KIAA1217: variants seen among roughly 807,000 people sequenced by gnomAD.
KIAA1217 encodes the protein sickle tail protein homolog.
KIAA1217 carries 88 observed loss-of-function variants against 163.9 expected under a neutral mutation model. That is an observed-to-expected ratio of 0.54 (90% CI 0.45 to 0.64). The LOEUF is 0.64. Ranked by LOEUF, KIAA1217 falls within the 30% of genes least tolerant of loss-of-function variation. The probability of loss-of-function intolerance (pLI) is 0.00; values close to 1 mark genes in which losing one functional copy is unlikely to be tolerated. For missense variants in KIAA1217, 2,372 were observed against 2,475.0 expected (o/e 0.96, Z 0.88); for synonymous variants, 903 against 923.1 (o/e 0.98, Z 0.39).
At chr10:24,432,516 C>A (rs185374500) in intron 3 of KIAA1217, among the ~76,000 whole-genome samples, 1 of 152,110 alleles carries the variant, frequency 6.6e-6, no homozygotes, top group Non-Finnish European at 1.5e-5. Context: ...AGTGCAGTGG[C>A]GCAATCATAG....
chr10:24,026,742 A>ATTTTTTTTTTTT, intron 2 of KIAA1217, among the ~76,000 whole-genome samples: 6 of 70,080 alleles, frequency 8.6e-5, no homozygotes, highest in Middle Eastern at 0.013. Context: ...TATTTCATTG[A>ATTTTTTTTTTTT]TTTTTTTTTT....
intron 2 of KIAA1217, among the ~76,000 whole-genome samples, chr10:24,262,792 A>G (rs1267601928): frequency 6.6e-6 from 1 of 151,968 alleles, no homozygotes; most frequent in African/African-American, 2.4e-5. Context: ...TAAATATACA[A>G]AAAAATTAGC....
At chr10:23,935,484 G>T (rs1427282236) in intron 1 of KIAA1217, among the ~76,000 whole-genome samples, 2 of 152,150 alleles carry the variant, frequency 1.3e-5, no homozygotes, top group South Asian at 2.1e-4. Flanking sequence ...AATTTAATAT[G>T]CAGTGTAACC....
rs1837225806 is a variant in KIAA1217 at position 23,814,490 on chromosome 10, C to T, written c.-321+119256C>T. ...GTTAGCTATTTCCCATGACTGTTCA[C>T]TCAGTATCCCTAACTGGACAGCAAG... On this transcript the variant is annotated intron_variant, in intron 1 of 18. Transcript: ENST00000376462. 2.0e-5 allele frequency among the ~76,000 whole-genome samples: 3 copies of T among 152,200 alleles called. No homozygotes were observed. The South Asian group carries it at 6.2e-4, about 32-fold the overall frequency.
chr10:23,737,365 A>ATTTTTTTT (rs10676755), intron 1 of KIAA1217, among the ~76,000 whole-genome samples: 4 of 149,754 alleles, frequency 2.7e-5, no homozygotes, highest in African/African-American at 1.0e-4. Context: ...TGCCTAGCTA[A>ATTTTTTTT]TTTTTTTTTA....
At chr10:23,949,570 T>C (rs1017331032) in intron 1 of KIAA1217, among the ~76,000 whole-genome samples, 1 of 151,834 alleles carries the variant, frequency 6.6e-6, no homozygotes, top group Non-Finnish European at 1.5e-5. Flanking sequence ...AGAAAAAAAA[T>C]AGACAGGAAC....
At chr10:24,045,682 T>C (rs1226294800) in intron 2 of KIAA1217, among the ~76,000 whole-genome samples, 1 of 152,194 alleles carries the variant, frequency 6.6e-6, no homozygotes, top group Non-Finnish European at 1.5e-5. Context: ...CATGGCATTA[T>C]TTTCTGTATA....
chr10:23,899,926 T>TCCTTC (rs1192995098), intron 1 of KIAA1217, among the ~76,000 whole-genome samples: 1 of 152,008 alleles, frequency 6.6e-6, no homozygotes, highest in Non-Finnish European at 1.5e-5. Flanking sequence ...TTCTTTTCTT[T>TCCTTC]CCTTCTTCCC....
At chr10:24,222,469 G>A (rs190318041) in intron 2 of KIAA1217, among the ~76,000 whole-genome samples, 2 of 152,280 alleles carry the variant, frequency 1.3e-5, no homozygotes, top group East Asian at 3.9e-4. Context: ...AGTTCATAAA[G>A]TGAAAGCAAG....
chr10:23,743,034 A>C (rs1588702004), intron 1 of KIAA1217, among the ~76,000 whole-genome samples: 1 of 152,174 alleles, frequency 6.6e-6, no homozygotes. Context: ...GATGGGTTGG[A>C]TTGCCTGGGA....
chr10:24,258,681 C>T (rs1320330863), intron 2 of KIAA1217, among the ~76,000 whole-genome samples: 2 of 151,930 alleles, frequency 1.3e-5, no homozygotes, highest in African/African-American at 4.8e-5. Flanking sequence ...CAAGCTCCAC[C>T]TCCCGGGTTC....
At chr10:24,178,971 T>C (rs972061063) in intron 2 of KIAA1217, among the ~76,000 whole-genome samples, 2 of 152,196 alleles carry the variant, frequency 1.3e-5, no homozygotes, top group African/African-American at 4.8e-5. Flanking sequence ...ATTCATTTGC[T>C]TAATGTAGGG....
chr10:23,889,679 T>A (rs1318669577), intron 1 of KIAA1217, among the ~76,000 whole-genome samples: 1 of 113,930 alleles, frequency 8.8e-6, no homozygotes, highest in Non-Finnish European at 1.8e-5. Flanking sequence ...AAGAAAATGC[T>A]TTTAAGTTTA....
intron 1 of KIAA1217, among the ~76,000 whole-genome samples, chr10:23,800,395 C>G (rs1836414555): frequency 6.6e-6 from 1 of 151,842 alleles, no homozygotes; most frequent in Admixed American, 6.6e-5. Context: ...AAATGTATAC[C>G]CTGTGGACCT....
intron 1 of KIAA1217, among the ~76,000 whole-genome samples, chr10:23,776,683 T>G (rs1485949857): frequency 6.8e-6 from 1 of 146,446 alleles, no homozygotes; most frequent in Non-Finnish European, 1.5e-5. Context: ...TGGGTACTTT[T>G]TTTTTTTTTT....
At position 24,388,109 on chromosome 10, in the gene KIAA1217, C is replaced by G. The variant is rs139530710; in HGVS notation, c.553+7042C>G. Among the ~76,000 whole-genome samples the G allele has an allele frequency of 9.8e-3, 1,499 of 152,224 alleles. 47 individuals carry two copies. The East Asian group carries it at 0.1, about 10-fold the overall frequency. On this transcript the variant is annotated intron_variant, in intron 3 of 20. Transcript: ENST00000376454. ...GCTGTATAGCCAAGACAATCCTAAG[C>G]CAAAAGAACAAAGCTGGAGGCATCA...
intron 12 of KIAA1217, 112 bp downstream of exon 12, chr10:24,522,041 G>A: frequency 3.2e-6 from 4 of 1,236,040 alleles, no homozygotes; most frequent in Non-Finnish European, 4.4e-6. Flanking sequence ...CACATCCAGT[G>A]TCCTGAGGAA....
rs1440753145 is a variant in KIAA1217, at chr10:24,544,105, G to A, written c.4835G>A (p.Gly1612Asp). 1.9e-6 allele frequency: 3 copies of A among 1,614,106 alleles called. No homozygotes were observed. The highest frequency in any genetic ancestry group is 1.1e-5 in the South Asian group (1 of 91,070). ...VVVYEEEEED[G>D]TLKQHKEAKR... ...GTCTATGAAGAAGAGGAAGAGGATG[G>A]CACCCTGAAACAGCACAAAGAAGCC... Residue 1612 changes from glycine to aspartate, a missense_variant, in exon 19 of 21, where the codon GGC becomes GAC. By Grantham distance (94) the Gly-to-Asp change is moderately conservative. Transcript: ENST00000376454.
upstream of KIAA1217, among the ~76,000 whole-genome samples, chr10:24,204,781 C>T (rs539644247): frequency 2.0e-5 from 3 of 152,346 alleles, no homozygotes; most frequent in South Asian, 2.1e-4. Context: ...ATTTCACATG[C>T]GCCAGATCAT....
Sources: gnomAD v4.1 joint callset for allele counts (sites outside exome capture counted in the v4.1 genomes callset) on GRCh38, gnomAD v4.1.1 for gene constraint, MANE v1.5 for transcripts, NCBI Gene and HGNC (gene_info 2026-07-23, HGNC 2026-07-21) for gene names.